Variants in TP53BP2 observed in about 807,000 individuals in gnomAD.
The protein encoded by TP53BP2 is apoptosis-stimulating of p53 protein 2.
TP53BP2 carries 62 observed loss-of-function variants against 126.2 expected under a neutral mutation model. That is an observed-to-expected ratio of 0.49 (90% CI 0.40 to 0.61). TP53BP2 has a LOEUF of 0.61. Among genes scored for constraint, TP53BP2 ranks in the 20% least tolerant of loss-of-function variants. The pLI, the probability that TP53BP2 is intolerant of heterozygous loss-of-function variation, is 0.00. For missense variants in TP53BP2, 1,215 were observed against 1,402.8 expected, an observed-to-expected ratio of 0.87 and a Z score of 2.14; for synonymous variants, 485 against 502.9, an observed-to-expected ratio of 0.96 and a Z score of 0.48.
chr1:223,821,294 C>A lies in TP53BP2; in HGVS notation c.101G>T (p.Cys34Phe). The A allele has an allele frequency of 1.2e-6, 2 of 1,614,076 alleles. No homozygotes were observed. Among genetic ancestry groups the A allele is most frequent in the Non-Finnish European group, 1.7e-6 (2 of 1,179,902 alleles). The change falls in exon 2 of 18, where the codon TGC (cysteine) becomes TTC (phenylalanine). Residue 34 changes from cysteine (C) to phenylalanine (F), a missense_variant. This residue lies in a region of TP53BP2 where 814 missense variants were observed against 853.0 expected (regional missense o/e 0.95). Coordinates refer to ENST00000343537, the MANE Select transcript of TP53BP2 (RefSeq NM_001031685.3). The stretch of plus-strand genomic sequence containing the variant: ...TTTGCACAGATCCACCACGTCTCTG[C>A]ATATTGTTTCTGGAGTAACTGGAAC... ...TEVPVTPETI[C>F]RDVVDLCKEP... is the part of the protein sequence containing the mutation.
At chr1:223,790,609 C>CT (rs35994805) in intron 15 of TP53BP2, among the ~76,000 whole-genome samples, 1,672 of 137,088 alleles carry the variant, frequency 0.012, 17 homozygotes, top group African/African-American at 0.02. Context: ...TTCCAGATCA[C>CT]TTTTTTTTTT....
At chr1:223,792,583 A>C (rs1662189482) in intron 14 of TP53BP2, 61 bp from the exon 15 acceptor site, 1 of 1,581,206 alleles carries the variant, frequency 6.3e-7, no homozygotes, top group South Asian at 1.1e-5. Flanking sequence ...TGTCACTACT[A>C]ACTGGCTCCT....
At chr1:223,818,840 A>G (rs1019709091) in intron 2 of TP53BP2, among the ~76,000 whole-genome samples, 1 of 150,990 alleles carries the variant, frequency 6.6e-6, no homozygotes, top group Non-Finnish European at 1.5e-5. Flanking sequence ...TGGCCTCCCA[A>G]AGTGCTGGGA....
Position 223,796,663 on chromosome 1 carries a change from TAAC to T in TP53BP2, c.1949-76_1949-74del, listed in dbSNP as rs1028543031. 1.0e-5 allele frequency: 14 copies of T among 1,363,254 alleles called. No individual in the cohort carries two copies. In the African/African-American group the frequency reaches 1.7e-4, roughly 17 times the overall value. 84.4% of individuals were successfully genotyped at this position (1,363,254 alleles called of 1,614,324 possible). A position where few individuals can be genotyped will look rare whatever the true frequency, so the allele number is the denominator to read the frequency against. On this transcript the variant is annotated intron_variant, in intron 12 of 17. Coordinates refer to ENST00000343537, the MANE Select transcript of TP53BP2 (RefSeq NM_001031685.3). This position sits in a 1 kb window ranked among gnomAD's most constrained non-coding sequence, Gnocchi z 4.2. ...AAAACTGGCAAGAAACAGAAACAGC[TAAC>T]AATAACTAAAGCCTCTTTTAATTTC... is the stretch of plus-strand genomic sequence containing the variant.
chr1:223,837,242 G>A (rs1339107975), intron 1 of TP53BP2, among the ~76,000 whole-genome samples: 1 of 151,712 alleles, frequency 6.6e-6, no homozygotes, highest in Non-Finnish European at 1.5e-5. Flanking sequence ...AAGTAAAGCT[G>A]TCCTAAAGCA....
intron 1 of TP53BP2, among the ~76,000 whole-genome samples, chr1:223,827,276 G>A (rs972340348): frequency 6.6e-6 from 1 of 152,132 alleles, no homozygotes; most frequent in Non-Finnish European, 1.5e-5. Flanking sequence ...GAGGTCCCAC[G>A]GAGGACAAGG....
chr1:223,845,559 G>C, intron 1 of TP53BP2, 95 bp downstream of exon 1: 1 of 1,305,042 alleles, frequency 7.7e-7, no homozygotes, highest in Non-Finnish European at 1.0e-6. Context: ...CGGCCCCCAG[G>C]CTCCTTCCCC....
chr1:223,819,414 C>T (rs1214504731), intron 2 of TP53BP2, among the ~76,000 whole-genome samples: 2 of 151,988 alleles, frequency 1.3e-5, no homozygotes, highest in African/African-American at 2.4e-5. Flanking sequence ...GGGCCAGGCG[C>T]GGTGGCTCAC....
At chr1:223,828,712 A>AC (rs1344702643) in intron 1 of TP53BP2, among the ~76,000 whole-genome samples, 1 of 152,224 alleles carries the variant, frequency 6.6e-6, no homozygotes, top group Non-Finnish European at 1.5e-5. Context: ...ATATTACGCT[A>AC]AGTGATAGAA....
chr1:223,837,155 A>G lies in TP53BP2; in HGVS notation c.27+8499T>C, dbSNP rs114139578. 3.5e-3 allele frequency among the ~76,000 whole-genome samples: 265 copies of G among 76,306 alleles called. 1 individual carries two copies. Among genetic ancestry groups the G allele is most frequent in the African/African-American group, 5.0e-3 (105 of 20,852 alleles). The allele number at this position is 76,306 out of a possible 152,430, so 50.1% of individuals were successfully genotyped here. A position where few individuals can be genotyped will look rare whatever the true frequency, so the allele number is the denominator to read the frequency against. ...CTATTGTTTTAAAATTAAAAAAAAA[A>G]GGGGGGGGGCGGGGGGTCAAGGAAC... On this transcript the variant is annotated intron_variant, in intron 1 of 17. Transcript: ENST00000343537.
Position 223,812,007 on chromosome 1 carries a change from T to G in TP53BP2, c.290-1494A>C, listed in dbSNP as rs1011803825. 3.4e-5 allele frequency among the ~76,000 whole-genome samples: 5 copies of G among 147,704 alleles called. No homozygotes were observed. The Admixed American group carries it at 3.4e-4, about 10-fold the overall frequency. On this transcript the variant is annotated intron_variant, in intron 3 of 17. Coordinates refer to ENST00000343537, the MANE Select transcript of TP53BP2 (RefSeq NM_001031685.3). ...GGTAAAATTCAACTAATTAGATGAG[T>G]GCATGTGATGTAAATAGAGAACAAA...
At chr1:223,784,770 A>G (rs1661892940) in intron 16 of TP53BP2, among the ~76,000 whole-genome samples, 1 of 152,250 alleles carries the variant, frequency 6.6e-6, no homozygotes, top group Admixed American at 6.5e-5. Flanking sequence ...AGAGAAAAAA[A>G]GATGGAGGCA....
At chr1:223,845,516 G>A (rs1664237824) in intron 1 of TP53BP2, 138 bp downstream of exon 1, 2 of 982,720 alleles carry the variant, frequency 2.0e-6, no homozygotes, top group South Asian at 2.3e-5. Context: ...CCCGCTCGAA[G>A]CTCGGAAAGC....
intron 13 of TP53BP2, among the ~76,000 whole-genome samples, chr1:223,793,973 G>A (rs1662232653): frequency 6.6e-6 from 1 of 152,156 alleles, no homozygotes; most frequent in Non-Finnish European, 1.5e-5. Context: ...GCCGGCAAAT[G>A]GCAGAGCTGG....
At chr1:223,838,280 G>C (rs1307552276) in intron 1 of TP53BP2, among the ~76,000 whole-genome samples, 2 of 152,128 alleles carry the variant, frequency 1.3e-5, no homozygotes, top group Admixed American at 6.5e-5. Flanking sequence ...GAATACAGAA[G>C]ATGTTAACTA....
chr1:223,786,104 G>A (rs1413499411), intron 16 of TP53BP2, among the ~76,000 whole-genome samples: 4 of 152,130 alleles, frequency 2.6e-5, no homozygotes, highest in African/African-American at 4.8e-5. Flanking sequence ...CAGGCAACAC[G>A]AGTGAATCTC....
intron 1 of TP53BP2, among the ~76,000 whole-genome samples, chr1:223,835,374 C>A (rs1663886701): frequency 6.6e-6 from 1 of 152,210 alleles, no homozygotes; most frequent in Non-Finnish European, 1.5e-5. Flanking sequence ...CATAAACAAT[C>A]AATGTATAAA....
intron 3 of TP53BP2, 88 bp downstream of exon 3, chr1:223,814,152 T>A (rs1423218219): frequency 4.3e-6 from 4 of 928,310 alleles, no homozygotes; most frequent in Non-Finnish European, 6.8e-6. Context: ...CCTCTCAAAT[T>A]ACCTGGCTTC....
Position 223,824,132 on chromosome 1 carries a change from T to C in TP53BP2, c.28-2765A>G, listed in dbSNP as rs61823586. 7.6e-3 allele frequency among the ~76,000 whole-genome samples: 1,156 copies of C among 152,246 alleles called. 6 individuals are homozygous for C. Among genetic ancestry groups the C allele is most frequent in the Non-Finnish European group, 0.012 (794 of 68,002 alleles). On this transcript the variant is annotated intron_variant, in intron 1 of 17. Transcript: ENST00000343537. ...CTGAAATGAGAAAGGTACAATTCTGTTTTTCTGATCTATCCTCTATTCTTT... is the reference window on the plus strand; with the variant it reads ...CTGAAATGAGAAAGGTACAATTCTGCTTTTCTGATCTATCCTCTATTCTTT...
Sources: gnomAD v4.1 joint callset for allele counts (sites outside exome capture counted in the v4.1 genomes callset) on GRCh38, gnomAD v4.1.1 for gene constraint, gnomAD v4.1.1 regional missense constraint, Gnocchi (gnomAD v3.1) non-coding constraint, MANE v1.5 for transcripts, NCBI Gene and HGNC (gene_info 2026-07-23, HGNC 2026-07-21) for gene names.